RNF130: variants seen among roughly 807,000 people sequenced by gnomAD.
RNF130 encodes the protein ring finger protein 130, also known as E3 ubiquitin-protein ligase RNF130.
A neutral mutation model predicts 44.6 loss-of-function variants in RNF130; 21 were observed. That is an observed-to-expected ratio of 0.47 (90% CI 0.33 to 0.68). The LOEUF is 0.68. Among genes scored for constraint, RNF130 ranks in the 30% least tolerant of loss-of-function variants. RNF130 has a pLI of 0.02. For synonymous variants in RNF130, 214 were observed against 210.4 expected (o/e 1.02, Z -0.15); for missense variants, 479 against 560.6 (o/e 0.85, Z 1.47).
Position 179,948,852 on chromosome 5 carries a change from CTGCCT to C in RNF130, c.1150+17949_1150+17953del, listed in dbSNP as rs545537712. Among the ~76,000 whole-genome samples, 244 of 152,246 alleles carry C rather than the reference CTGCCT, an allele frequency of 1.6e-3. 1 individual carries two copies. The highest frequency in any genetic ancestry group is 5.6e-3 in the African/African-American group (231 of 41,528). ...ATTTAATGGACTTATCAGGCTAAGA[CTGCCT>C]TAAGCTGCTGGGTAGAATCAGGGGC... On this transcript the variant is annotated intron_variant, in intron 7 of 7. Transcript: ENST00000522208.
intron 1 of RNF130, among the ~76,000 whole-genome samples, chr5:180,054,105 C>A (rs1055657630): frequency 6.6e-6 from 1 of 152,086 alleles, no homozygotes; most frequent in South Asian, 2.1e-4. Flanking sequence ...TGAGCCCCTG[C>A]GCCCGGCCAG....
downstream of RNF130, among the ~76,000 whole-genome samples, chr5:179,952,031 A>T (rs1762133523): frequency 6.6e-6 from 1 of 152,078 alleles, no homozygotes; most frequent in Non-Finnish European, 1.5e-5. Context: ...GAAGAAATAA[A>T]ATAATAAAGA....
At chr5:179,921,569 G>A (rs986297619) in intron 7 of RNF130, among the ~76,000 whole-genome samples, 12 of 152,176 alleles carry the variant, frequency 7.9e-5, no homozygotes, top group South Asian at 2.1e-4. Context: ...AGGCCAAGGC[G>A]GGTGGATCAT....
chr5:179,940,369 C>T (rs1484998448), intron 7 of RNF130, among the ~76,000 whole-genome samples: 2 of 151,716 alleles, frequency 1.3e-5, no homozygotes, highest in Non-Finnish European at 2.9e-5. Context: ...TACAGGTGCC[C>T]GGCACCACAC....
chr5:179,972,571 C>T (rs1238615872), intron 5 of RNF130, among the ~76,000 whole-genome samples: 1 of 150,286 alleles, frequency 6.7e-6, no homozygotes, highest in African/African-American at 2.5e-5. Flanking sequence ...GGCTCTGGTG[C>T]AGGAGTGAGA....
At chr5:180,058,283 C>T (rs566548914) in intron 1 of RNF130, among the ~76,000 whole-genome samples, 3 of 152,224 alleles carry the variant, frequency 2.0e-5, no homozygotes, top group Admixed American at 6.5e-5. Context: ...TGCAGACTTA[C>T]GGTTGTGTAT....
chr5:180,040,936 T>C (rs928666992), intron 1 of RNF130, among the ~76,000 whole-genome samples: 12 of 152,120 alleles, frequency 7.9e-5, no homozygotes, highest in Middle Eastern at 3.4e-3. Context: ...CAGTACAGGG[T>C]GGTAAAGGGA....
chr5:179,929,747 C>CAA (rs34934872), intron 7 of RNF130, among the ~76,000 whole-genome samples: 13,095 of 147,822 alleles, frequency 0.089, 1,448 homozygotes, highest in African/African-American at 0.26. Context: ...GACTGTGTCT[C>CAA]AAAAAAAAAA....
intron 7 of RNF130, among the ~76,000 whole-genome samples, chr5:179,930,273 A>G (rs141612244): frequency 0.015 from 2,328 of 152,028 alleles, 27 homozygotes; most frequent in Non-Finnish European, 0.023. Flanking sequence ...GGTCAGGCTG[A>G]TCTCGAACTC....
intron 2 of RNF130, among the ~76,000 whole-genome samples, chr5:180,032,719 T>C (rs1764157546): frequency 6.6e-6 from 1 of 152,224 alleles, no homozygotes; most frequent in African/African-American, 2.4e-5. Flanking sequence ...AATACCACAA[T>C]GCCTTGATTA....
At chr5:180,071,062 G>A (rs1332253672) in intron 1 of RNF130, among the ~76,000 whole-genome samples, 5 of 151,760 alleles carry the variant, frequency 3.3e-5, no homozygotes, top group African/African-American at 1.2e-4. Context: ...ATCTAGCGCA[G>A]CCTTAAGTCC....
chr5:180,059,332 C>T (rs1168227009), intron 1 of RNF130, among the ~76,000 whole-genome samples: 2 of 152,194 alleles, frequency 1.3e-5, no homozygotes, highest in East Asian at 1.9e-4. Context: ...CTCAGCATCC[C>T]GATGCTTTCC....
At chr5:179,958,772 C>T (rs1762264598) in intron 8 of RNF130, among the ~76,000 whole-genome samples, 1 of 152,132 alleles carries the variant, frequency 6.6e-6, no homozygotes, top group Non-Finnish European at 1.5e-5. Context: ...CTGCAACCTT[C>T]GCCTCCCAGG....
chr5:179,956,898 A>G (rs1762225310), intron 8 of RNF130, among the ~76,000 whole-genome samples: 1 of 152,254 alleles, frequency 6.6e-6, no homozygotes, highest in African/African-American at 2.4e-5. Context: ...CTTGGGAAAC[A>G]GCATCTCAAT....
intron 5 of RNF130, among the ~76,000 whole-genome samples, chr5:179,974,608 G>C (rs554142783): frequency 6.6e-6 from 1 of 152,248 alleles, no homozygotes; most frequent in African/African-American, 2.4e-5. Flanking sequence ...AGATGGACAC[G>C]AGGGTGTCCA....
At chr5:180,029,343 A>G (rs543942311) in intron 2 of RNF130, among the ~76,000 whole-genome samples, 1 of 152,348 alleles carries the variant, frequency 6.6e-6, no homozygotes, top group African/African-American at 2.4e-5. Context: ...AAGGTGATGA[A>G]TATGTGACAG....
rs145058472 is a variant in RNF130, at chr5:179,965,379, C to T, written c.1150+1427G>A. ...AGGTAGCTGTGGTTTAGTTCAATCA[C>T]GTGGGTTTTATTTATTAACATCATG... On this transcript the variant is annotated intron_variant, in intron 7 of 8. Coordinates refer to ENST00000521389, the MANE Select transcript of RNF130 (RefSeq NM_018434.6). Among the ~76,000 whole-genome samples the T allele has an allele frequency of 3.5e-3, 528 of 152,246 alleles. 3 individuals are homozygous for T. Among genetic ancestry groups the T allele is most frequent in the African/African-American group, 0.012 (483 of 41,546 alleles).
At chr5:179,998,833 ATC>A (rs1386081307) in intron 3 of RNF130, among the ~76,000 whole-genome samples, 6 of 134,076 alleles carry the variant, frequency 4.5e-5, no homozygotes, top group African/African-American at 1.7e-4. Flanking sequence ...ATTAGAGTTT[ATC>A]TCTCTCTTTA....
chr5:179,921,413 A>C (rs1761629104), intron 7 of RNF130, among the ~76,000 whole-genome samples: 1 of 152,250 alleles, frequency 6.6e-6, no homozygotes, highest in African/African-American at 2.4e-5. Context: ...AAATTGTGTG[A>C]ACATATGCTT....
Sources: gnomAD v4.1 joint callset for allele counts (sites outside exome capture counted in the v4.1 genomes callset) on GRCh38, gnomAD v4.1.1 for gene constraint, MANE v1.5 for transcripts, NCBI Gene and HGNC (gene_info 2026-07-23, HGNC 2026-07-21) for gene names.